PCGF5: variants seen among roughly 807,000 people sequenced by gnomAD.
PCGF5 encodes the protein polycomb group ring finger 5, also known as polycomb group RING finger protein 5.
PCGF5 carries 9 observed loss-of-function variants against 44.3 expected under a neutral mutation model. The ratio of observed to expected loss-of-function variants is 0.20; its 90% CI spans 0.12 to 0.35. The LOEUF (loss-of-function observed/expected upper bound fraction) is 0.35, where lower values mean the gene tolerates loss of function less well. Among genes scored for constraint, PCGF5 ranks in the 10% least tolerant of loss-of-function variants. The probability of loss-of-function intolerance (pLI) is 1.00; values close to 1 mark genes in which losing one functional copy is unlikely to be tolerated. For synonymous variants in PCGF5, 95 were observed against 102.5 expected, an observed-to-expected ratio of 0.93 and a Z score of 0.44; for missense variants, 146 against 305.3, an observed-to-expected ratio of 0.48 and a Z score of 3.89.
At chr10:91,188,764 A>T (rs1843973481) in intron 1 of PCGF5, among the ~76,000 whole-genome samples, 1 of 152,152 alleles carries the variant, frequency 6.6e-6, no homozygotes, top group African/African-American at 2.4e-5. Flanking sequence ...CTGAGAAAAA[A>T]GTCCAGATCT....
At chr10:91,235,712 G>A (rs1201094214) in intron 2 of PCGF5, among the ~76,000 whole-genome samples, 1 of 152,164 alleles carries the variant, frequency 6.6e-6, no homozygotes, top group African/African-American at 2.4e-5. Context: ...TCTCAATAGT[G>A]AATAAGTCTC....
intron 8 of PCGF5, among the ~76,000 whole-genome samples, chr10:91,265,990 T>C (rs1589408158): frequency 6.6e-6 from 1 of 152,322 alleles, no homozygotes; most frequent in East Asian, 1.9e-4. Context: ...AACCTGCCTT[T>C]CTGTAACATT....
At chr10:91,205,422 T>C (rs1844329385) in intron 1 of PCGF5, among the ~76,000 whole-genome samples, 1 of 152,100 alleles carries the variant, frequency 6.6e-6, no homozygotes, top group African/African-American at 2.4e-5. Flanking sequence ...GACCTAGATA[T>C]TAGTATTTTA....
chr10:91,205,578 A>G (rs1844333014), intron 1 of PCGF5, among the ~76,000 whole-genome samples: 3 of 152,224 alleles, frequency 2.0e-5, no homozygotes, highest in African/African-American at 7.2e-5. Flanking sequence ...GTGTTTGTCC[A>G]TTGAACTATT....
intron 6 of PCGF5, among the ~76,000 whole-genome samples, chr10:91,251,960 T>C (rs1845632588): frequency 6.6e-6 from 1 of 152,014 alleles, no homozygotes; most frequent in Non-Finnish European, 1.5e-5. Flanking sequence ...CCCTCAGTTA[T>C]TTCCTATAGA....
chr10:91,258,528 G>A (rs974136867), intron 6 of PCGF5, among the ~76,000 whole-genome samples: 6 of 152,118 alleles, frequency 3.9e-5, no homozygotes, highest in African/African-American at 1.4e-4. Context: ...GACTGGGGAT[G>A]ATCAACCTAC....
chr10:91,189,603 A>G lies in PCGF5; in HGVS notation c.-184+26522A>G, dbSNP rs538457738. On this transcript the variant is annotated intron_variant, in intron 1 of 9. Transcript: ENST00000614189. ...CCAAGCTGATAAGATCTTTCCATAT[A>G]TACATACATATCTACATGAAAATGG... Among the ~76,000 whole-genome samples the G allele has an allele frequency of 8.5e-5, 13 of 152,356 alleles. No homozygotes were observed. In the South Asian group the frequency reaches 1.4e-3, roughly 17 times the overall value.
intron 6 of PCGF5, among the ~76,000 whole-genome samples, 189 bp from the exon 7 acceptor site, chr10:91,261,137 T>C (rs1167024988): frequency 1.3e-5 from 2 of 152,140 alleles, no homozygotes; most frequent in Non-Finnish European, 2.9e-5. Context: ...AAGAATGTCA[T>C]GTAAGTATCC....
At chr10:91,167,554 T>C (rs530562351) in intron 1 of PCGF5, among the ~76,000 whole-genome samples, 3 of 152,326 alleles carry the variant, frequency 2.0e-5, no homozygotes, top group African/African-American at 4.8e-5. Flanking sequence ...TAAGGATATA[T>C]GAGCATGTCC....
chr10:91,233,992 A>G (rs1315400892), intron 2 of PCGF5, among the ~76,000 whole-genome samples: 2 of 152,250 alleles, frequency 1.3e-5, no homozygotes, highest in Admixed American at 1.3e-4. Context: ...CATCAGTGAT[A>G]GCAGAATTAG....
intron 1 of PCGF5, among the ~76,000 whole-genome samples, chr10:91,171,582 G>C (rs1843606415): frequency 6.6e-6 from 1 of 152,154 alleles, no homozygotes; most frequent in Admixed American, 6.5e-5. Flanking sequence ...ATGGGCCCTT[G>C]GTTGAGTAGG....
chr10:91,234,752 A>T (rs2133324654), intron 2 of PCGF5, among the ~76,000 whole-genome samples: 1 of 152,320 alleles, frequency 6.6e-6, no homozygotes, highest in Non-Finnish European at 1.5e-5. Context: ...TACATATATT[A>T]TCTCCTTTAA....
chr10:91,188,562 A>G (rs1843969498), intron 1 of PCGF5, among the ~76,000 whole-genome samples: 1 of 152,160 alleles, frequency 6.6e-6, no homozygotes, highest in Non-Finnish European at 1.5e-5. Flanking sequence ...TTATGTACCT[A>G]CTATTTTATT....
intron 1 of PCGF5, among the ~76,000 whole-genome samples, chr10:91,206,962 C>T (rs1351170727): frequency 6.6e-6 from 1 of 152,212 alleles, no homozygotes; most frequent in Admixed American, 6.5e-5. Context: ...CTGATCACTA[C>T]ATGACCTTAT....
chr10:91,275,717 T>C (rs1321616573), intron 9 of PCGF5, among the ~76,000 whole-genome samples: 1 of 151,710 alleles, frequency 6.6e-6, no homozygotes, highest in Non-Finnish European at 1.5e-5. Context: ...GCTCCCAAAG[T>C]GCTGGGATTA....
intron 1 of PCGF5, among the ~76,000 whole-genome samples, chr10:91,166,302 C>T (rs1843498150): frequency 6.6e-6 from 1 of 152,168 alleles, no homozygotes; most frequent in South Asian, 2.1e-4. Context: ...GTCTTATTCA[C>T]CTTTGTATCC....
upstream of PCGF5, among the ~76,000 whole-genome samples, chr10:91,215,468 A>C (rs1250396934): frequency 6.6e-6 from 1 of 152,234 alleles, no homozygotes; most frequent in Non-Finnish European, 1.5e-5. Flanking sequence ...AGAAATAAAA[A>C]CATACGTCCT....
chr10:91,278,144 G>C, intron 9 of PCGF5, 125 bp from the exon 10 acceptor site: 1 of 756,504 alleles, frequency 1.3e-6, no homozygotes, highest in Non-Finnish European at 2.1e-6. Context: ...AATTTTAACT[G>C]TTGTAATCAC....
intron 6 of PCGF5, among the ~76,000 whole-genome samples, chr10:91,252,382 T>G (rs1564650447): frequency 1.3e-5 from 2 of 152,042 alleles, no homozygotes; most frequent in Non-Finnish European, 2.9e-5. Flanking sequence ...CACTTCAGAT[T>G]AAGTTTTCCT....
Sources: allele counts gnomAD v4.1 joint callset (sites outside exome capture counted in the v4.1 genomes callset), GRCh38; gene constraint gnomAD v4.1.1; transcripts MANE v1.5; gene names NCBI Gene and HGNC (gene_info 2026-07-23, HGNC 2026-07-21).